TCP11L2: variants seen among roughly 807,000 people sequenced by gnomAD.
TCP11L2 encodes t-complex 11 like 2, also known as T-complex protein 11-like protein 2.
In TCP11L2, 39 loss-of-function variants were observed where a neutral mutation model predicts 50.7. That is an observed-to-expected ratio of 0.77 (90% CI 0.60 to 1.01). The LOEUF is 1.01. Ranked by LOEUF, TCP11L2 falls within the 50% of genes least tolerant of loss-of-function variation. The pLI is 0.00. For missense variants in TCP11L2, 612 were observed against 614.7 expected (o/e 1.00, Z 0.05); for synonymous variants, 192 against 219.3 (o/e 0.88, Z 1.10).
At chr12:106,322,147 C>G (rs114791001) in intron 5 of TCP11L2, among the ~76,000 whole-genome samples, 1 of 152,062 alleles carries the variant, frequency 6.6e-6, no homozygotes, top group South Asian at 2.1e-4. Flanking sequence ...AGTGGTTTAT[C>G]CAGTAAAAGT....
At chr12:106,343,852 T>G (rs2036159302) in intron 9 of TCP11L2, among the ~76,000 whole-genome samples, 1 of 151,570 alleles carries the variant, frequency 6.6e-6, no homozygotes, top group African/African-American at 2.4e-5. Context: ...AGAGACGGGG[T>G]TCCACCATAT....
At chr12:106,304,182 C>A (rs1220681477) in intron 1 of TCP11L2, 1 of 152,364 alleles carries the variant, frequency 6.6e-6, no homozygotes, top group Non-Finnish European at 1.5e-5. Context: ...GTGGAAGCAG[C>A]TTCAATGCCA....
intron 8 of TCP11L2, among the ~76,000 whole-genome samples, chr12:106,336,993 T>G (rs1252183554): frequency 6.6e-6 from 1 of 152,208 alleles, no homozygotes; most frequent in Non-Finnish European, 1.5e-5. Flanking sequence ...TAAATTTATC[T>G]CCAGTATTAC....
At chr12:106,346,256 C>G (rs1401621510) in intron 9 of TCP11L2, 30 bp from the exon 10 acceptor site, 2 of 1,572,352 alleles carry the variant, frequency 1.3e-6, no homozygotes, top group East Asian at 4.5e-5. Flanking sequence ...TAATAATGGA[C>G]AGATAAAAGT....
At chr12:106,331,561 T>A (rs1180966242) in intron 6 of TCP11L2, among the ~76,000 whole-genome samples, 6 of 152,212 alleles carry the variant, frequency 3.9e-5, no homozygotes, top group Admixed American at 3.9e-4. Context: ...TAGGGGACAT[T>A]TCCTTTGTGC....
At chr12:106,325,742 A>C (rs1409806319) in intron 6 of TCP11L2, 1 of 152,062 alleles carries the variant, frequency 6.6e-6, no homozygotes, top group African/African-American at 2.4e-5. Flanking sequence ...AAATCTAAAA[A>C]TTAGCCGGGA....
Position 106,315,009 on chromosome 12 carries a change from A to AG in TCP11L2, c.293+516_293+517insG, listed in dbSNP as rs60350990. On this transcript the variant is annotated intron_variant, in intron 3 of 9. Coordinates refer to ENST00000299045, the MANE Select transcript of TCP11L2 (RefSeq NM_152772.3). ...TGACAGAGCAAGACCCTGTCTCAAAAAAAAAAAAAAAAAATTCCTGTTTGT... is the reference window on the plus strand; with the variant it reads ...TGACAGAGCAAGACCCTGTCTCAAAAGAAAAAAAAAAAAAATTCCTGTTTGT... 2.2e-3 allele frequency among the ~76,000 whole-genome samples: 331 copies of AG among 150,824 alleles called. 1 individual carries two copies. The highest frequency in any genetic ancestry group is 7.8e-3 in the African/African-American group (321 of 40,992).
At chr12:106,329,343 T>C (rs1050486277) in intron 6 of TCP11L2, 20 of 1,535,966 alleles carry the variant, frequency 1.3e-5, no homozygotes, top group Non-Finnish European at 1.7e-5. Flanking sequence ...AAGCCGAGGT[T>C]GCAGGTGCCT....
intron 6 of TCP11L2, chr12:106,324,948 G>C (rs2035484804): frequency 6.6e-6 from 1 of 152,122 alleles, no homozygotes; most frequent in Non-Finnish European, 1.5e-5. Context: ...TAGGCATTTA[G>C]ATATGAATTA....
At chr12:106,302,468 G>C (rs1465549287), upstream of TCP11L2, among the ~76,000 whole-genome samples, 5 of 145,466 alleles carry the variant, frequency 3.4e-5, no homozygotes, top group Non-Finnish European at 7.6e-5. Context: ...CCCCAACGCC[G>C]GGCGCTCCCG....
intron 6 of TCP11L2, among the ~76,000 whole-genome samples, chr12:106,333,352 A>G (rs777946004): frequency 4.6e-5 from 7 of 152,234 alleles, no homozygotes; most frequent in Non-Finnish European, 7.3e-5. Context: ...ATGAACTGTG[A>G]TACATAAGTC....
chr12:106,310,295 C>T (rs961092612), intron 1 of TCP11L2, among the ~76,000 whole-genome samples: 1 of 152,176 alleles, frequency 6.6e-6, no homozygotes, highest in Non-Finnish European at 1.5e-5. Flanking sequence ...CTTGTGCACT[C>T]ATAGGGTTGT....
At chr12:106,317,885 A>T (rs1196843192) in intron 3 of TCP11L2, among the ~76,000 whole-genome samples, 1 of 152,234 alleles carries the variant, frequency 6.6e-6, no homozygotes, top group Non-Finnish European at 1.5e-5. Context: ...CTAACTTTAA[A>T]TGGGACACCT....
At chr12:106,328,309 G>A (rs887897341) in intron 6 of TCP11L2, among the ~76,000 whole-genome samples, 4 of 152,226 alleles carry the variant, frequency 2.6e-5, no homozygotes, top group African/African-American at 9.6e-5. Context: ...ACTTTGGGAG[G>A]CCAAGGCGGG....
At chr12:106,305,840 G>A (rs1277350928) in intron 1 of TCP11L2, among the ~76,000 whole-genome samples, 1 of 152,202 alleles carries the variant, frequency 6.6e-6, no homozygotes, top group African/African-American at 2.4e-5. Context: ...CCCCGAAATA[G>A]GAAGTTTGGC....
In TCP11L2 at chr12:106,323,627, A is replaced by G. The variant is rs1372205927; in HGVS notation, c.753A>G (p.Glu251=). The change falls in exon 6 of 10, where the codon GAA becomes GAG. Residue 251 remains glutamate, a synonymous_variant. Coordinates refer to ENST00000299045, the MANE Select transcript of TCP11L2 (RefSeq NM_152772.3). ...AATATGAGAGAACCAAGTTCCAGGA[A>G]ATTTTGGAAGAAACTCCAAGTGAGT... The part of the protein sequence containing the change: ...LVEYERTKFQ[E]ILEETPSALD... The G allele has an allele frequency of 6.2e-7, 1 of 1,601,070 alleles. No homozygotes were observed.
At chr12:106,312,965 A>T (rs1316923056) in intron 2 of TCP11L2, among the ~76,000 whole-genome samples, 2 of 152,204 alleles carry the variant, frequency 1.3e-5, no homozygotes, top group Non-Finnish European at 2.9e-5. Flanking sequence ...AGAAGCTAAG[A>T]TTTCCAACAG....
At chr12:106,321,424 G>T in intron 4 of TCP11L2, 62 bp from the exon 5 acceptor site, 1 of 1,421,488 alleles carries the variant, frequency 7.0e-7, no homozygotes, top group Non-Finnish European at 9.7e-7. Flanking sequence ...AGACACTGAG[G>T]TGAAAAGTGA....
At chr12:106,316,303 C>T (rs2035077561) in intron 3 of TCP11L2, among the ~76,000 whole-genome samples, 2 of 152,166 alleles carry the variant, frequency 1.3e-5, no homozygotes, top group South Asian at 4.1e-4. Flanking sequence ...TAGATGATTT[C>T]TTTGCCAAAA....
Sources: allele counts gnomAD v4.1 joint callset (sites outside exome capture counted in the v4.1 genomes callset), GRCh38; gene constraint gnomAD v4.1.1; transcripts MANE v1.5; gene names NCBI Gene and HGNC (gene_info 2026-07-23, HGNC 2026-07-21).